IL1RAPL1: variants seen among roughly 807,000 people sequenced by gnomAD.
IL1RAPL1 encodes the protein interleukin 1 receptor accessory protein like 1.
IL1RAPL1 carries 3 observed loss-of-function variants against 48.4 expected under a neutral mutation model. The ratio of observed to expected loss-of-function variants is 0.06; its 90% confidence interval spans 0.03 to 0.16. The LOEUF is 0.16. Among genes scored for constraint, IL1RAPL1 ranks in the 10% least tolerant of loss-of-function variants. The pLI is 1.00. For synonymous variants in IL1RAPL1, 185 were observed against 187.7 expected (o/e 0.99, Z 0.12); for missense variants, 349 against 530.6 (o/e 0.66, Z 3.36).
intron 6 of IL1RAPL1, among the ~76,000 whole-genome samples, chrX:29,900,151 C>T (rs1461925210): frequency 3.6e-5 from 4 of 111,327 alleles, no homozygotes; most frequent in Non-Finnish European, 5.6e-5. Context: ...AATATAATGG[C>T]GACTAACAAA....
At chrX:29,586,699 C>T (rs5927864) in intron 5 of IL1RAPL1, among the ~76,000 whole-genome samples, 56,513 of 109,847 alleles carry the variant, frequency 0.51, 11,164 homozygotes, top group African/African-American at 0.71. Flanking sequence ...TTGTGCCTTG[C>T]TTATTTTTTT....
chrX:28,781,898 T>C (rs1936427499), intron 1 of IL1RAPL1, among the ~76,000 whole-genome samples: 1 of 112,220 alleles, frequency 8.9e-6, no homozygotes, highest in Non-Finnish European at 1.9e-5. Flanking sequence ...ATTGACATAA[T>C]AGTCATTTAA....
chrX:28,906,630 G>GA (rs932409881), intron 2 of IL1RAPL1, among the ~76,000 whole-genome samples: 3 of 111,989 alleles, frequency 2.7e-5, no homozygotes, highest in Admixed American at 9.5e-5. Context: ...AGTATTTTTG[G>GA]AAAAATTAAT....
chrX:28,730,805 A>G (rs1184230699), intron 1 of IL1RAPL1, among the ~76,000 whole-genome samples: 2 of 112,108 alleles, frequency 1.8e-5, no homozygotes, highest in African/African-American at 6.5e-5. Flanking sequence ...TTTAATGCCT[A>G]TGACCAATAG....
At chrX:29,880,287 C>T (rs1306947214) in intron 6 of IL1RAPL1, among the ~76,000 whole-genome samples, 1 of 111,891 alleles carries the variant, frequency 8.9e-6, no homozygotes, top group Non-Finnish European at 1.9e-5. Context: ...ACTTTAATTT[C>T]AGAATATGGC....
At chrX:29,683,972 TA>T (rs1301526828) in intron 6 of IL1RAPL1, among the ~76,000 whole-genome samples, 4 of 112,133 alleles carry the variant, frequency 3.6e-5, no homozygotes, top group Non-Finnish European at 5.6e-5. Flanking sequence ...TTATTGTTAA[TA>T]AAAACATTTT....
At chrX:29,047,077 T>G (rs906098559) in intron 2 of IL1RAPL1, among the ~76,000 whole-genome samples, 1 of 112,383 alleles carries the variant, frequency 8.9e-6, no homozygotes, top group African/African-American at 3.2e-5. Flanking sequence ...GGCCTCTTAG[T>G]TTTGCTTGGC....
chrX:28,828,832 C>T (rs775730312), intron 2 of IL1RAPL1, among the ~76,000 whole-genome samples: 1 of 111,316 alleles, frequency 9.0e-6, no homozygotes, highest in South Asian at 3.7e-4. Flanking sequence ...TATTCTTGGT[C>T]GCTGGTAATT....
intron 1 of IL1RAPL1, among the ~76,000 whole-genome samples, chrX:28,604,719 CAAAA>C (rs778056286): frequency 7.1e-5 from 2 of 27,976 alleles, no homozygotes. Context: ...GAGCGAGACT[CAAAA>C]AAAAAAAAAA....
chrX:29,301,585 T>C (rs4893611), intron 3 of IL1RAPL1, among the ~76,000 whole-genome samples: 55,672 of 110,671 alleles, frequency 0.5, 11,268 homozygotes, highest in Non-Finnish European at 0.65. Flanking sequence ...TTTTAATATA[T>C]GTAATTCAAC....
In IL1RAPL1 at chrX:29,396,243, T is replaced by C. The variant is rs752794839; in HGVS notation, c.363-15T>C. ...GTTCACACCAGGTCACTGTATTTATTCTGCTTTGTTACAGAAACTCCACTT... is the reference window on the plus strand; with the variant it reads ...GTTCACACCAGGTCACTGTATTTATCCTGCTTTGTTACAGAAACTCCACTT... On this transcript the variant is annotated splice_polypyrimidine_tract_variant and intron_variant, in intron 3 of 10. Coordinates refer to ENST00000378993, the MANE Select transcript of IL1RAPL1 (RefSeq NM_014271.4). 2.2e-5 allele frequency: 26 copies of C among 1,189,256 alleles called. No homozygotes were observed. The highest frequency in any genetic ancestry group is 3.0e-5 in the Non-Finnish European group (26 of 875,930).
chrX:29,414,785 T>C (rs1934193493), intron 5 of IL1RAPL1, among the ~76,000 whole-genome samples: 1 of 112,112 alleles, frequency 8.9e-6, no homozygotes, highest in African/African-American at 3.2e-5. Context: ...TGTAAAACTT[T>C]TGAAGCTCAA....
At chrX:29,732,588 T>G (rs1342895143) in intron 6 of IL1RAPL1, among the ~76,000 whole-genome samples, 1 of 112,391 alleles carries the variant, frequency 8.9e-6, no homozygotes, top group African/African-American at 3.2e-5. Flanking sequence ...TTCCACATAA[T>G]GAACATCCTT....
At chrX:29,697,349 T>C (rs1282234344) in intron 6 of IL1RAPL1, among the ~76,000 whole-genome samples, 1 of 112,573 alleles carries the variant, frequency 8.9e-6, no homozygotes, top group Non-Finnish European at 1.9e-5. Flanking sequence ...TACATACAAC[T>C]GTAAGAATGA....
intron 6 of IL1RAPL1, among the ~76,000 whole-genome samples, chrX:29,902,702 A>G (rs1932518846): frequency 9.0e-6 from 1 of 111,589 alleles, no homozygotes; most frequent in African/African-American, 3.3e-5. Context: ...CACCATGGGT[A>G]CTATAAATTT....
At chrX:29,766,497 A>G (rs1008307083) in intron 6 of IL1RAPL1, among the ~76,000 whole-genome samples, 1 of 96,657 alleles carries the variant, frequency 1.0e-5, no homozygotes, top group African/African-American at 3.8e-5. Context: ...ATATATTTAT[A>G]TATATATGAG....
chrX:29,877,476 A>G (rs1931932252), intron 6 of IL1RAPL1, among the ~76,000 whole-genome samples: 1 of 112,209 alleles, frequency 8.9e-6, no homozygotes, highest in African/African-American at 3.2e-5. Context: ...TACAATATAC[A>G]AATAACTACA....
intron 1 of IL1RAPL1, among the ~76,000 whole-genome samples, chrX:28,733,138 A>T (rs1935776332): frequency 9.2e-6 from 1 of 108,930 alleles, no homozygotes; most frequent in Non-Finnish European, 1.9e-5. Flanking sequence ...ACACACAGTT[A>T]TATATATATA....
At chrX:29,799,055 T>A (rs1000453082) in intron 6 of IL1RAPL1, among the ~76,000 whole-genome samples, 14 of 112,216 alleles carry the variant, frequency 1.2e-4, no homozygotes, top group African/African-American at 4.5e-4. Flanking sequence ...GGAAGGAGAA[T>A]GTTTATTTTC....
Sources: allele counts gnomAD v4.1 joint callset (sites outside exome capture counted in the v4.1 genomes callset), GRCh38; gene constraint gnomAD v4.1.1; transcripts MANE v1.5; gene names NCBI Gene and HGNC (gene_info 2026-07-23, HGNC 2026-07-21).